PVT1: variants seen among roughly 807,000 people sequenced by gnomAD.
The protein encoded by PVT1 is Pvt1 oncogene, also known as CXCR4/PVT1 fusion.
intron 2 of PVT1, among the ~76,000 whole-genome samples, chr8:127,864,744 T>G (rs1815268686): frequency 6.6e-6 from 1 of 152,038 alleles, no homozygotes; most frequent in South Asian, 2.1e-4. Context: ...CATATGGGGT[T>G]TCACCATGTT....
intron 2 of PVT1, among the ~76,000 whole-genome samples, chr8:127,862,486 T>TA (rs1442874767): frequency 1.3e-5 from 2 of 152,132 alleles, no homozygotes; most frequent in Non-Finnish European, 2.9e-5. Context: ...ATTGCAATGA[T>TA]ACGTTCATAG....
At chr8:127,965,077 G>A (rs1327939923) in intron 3 of PVT1, among the ~76,000 whole-genome samples, 1 of 152,178 alleles carries the variant, frequency 6.6e-6, no homozygotes, top group Non-Finnish European at 1.5e-5. Flanking sequence ...ACCCACACTA[G>A]TAGGCCCCAG....
chr8:127,929,861 A>G (rs1563642375), intron 3 of PVT1, among the ~76,000 whole-genome samples: 1 of 152,236 alleles, frequency 6.6e-6, no homozygotes, highest in Non-Finnish European at 1.5e-5. Flanking sequence ...TGAGAATTAA[A>G]TGCAAAGCTT....
intron 4 of PVT1, among the ~76,000 whole-genome samples, chr8:128,045,503 G>A (rs1310920260): frequency 6.6e-6 from 1 of 152,230 alleles, no homozygotes; most frequent in East Asian, 1.9e-4. Context: ...TTTAAGTTAC[G>A]TAGTATTAGT....
At chr8:128,045,322 T>C (rs1813598039) in intron 4 of PVT1, among the ~76,000 whole-genome samples, 1 of 152,202 alleles carries the variant, frequency 6.6e-6, no homozygotes, top group Non-Finnish European at 1.5e-5. Context: ...TTCTCTCTCC[T>C]AAACTTTTTA....
chr8:127,906,307 C>T (rs565132467), intron 3 of PVT1, among the ~76,000 whole-genome samples: 2 of 152,084 alleles, frequency 1.3e-5, no homozygotes, highest in Admixed American at 6.6e-5. Flanking sequence ...CTGCTGCTTG[C>T]GGGGTTAATT....
intron 4 of PVT1, among the ~76,000 whole-genome samples, chr8:128,058,367 C>T (rs1813786747): frequency 6.9e-6 from 1 of 145,842 alleles, no homozygotes; most frequent in Non-Finnish European, 1.5e-5. Context: ...ACTAATTAAA[C>T]AAACTGATGC....
At chr8:127,798,675 A>G (rs562059005) in intron 2 of PVT1, among the ~76,000 whole-genome samples, 9 of 139,196 alleles carry the variant, frequency 6.5e-5, no homozygotes, top group African/African-American at 2.4e-4. Context: ...CCTGGCCAGC[A>G]TGGTGAAACC....
intron 6 of PVT1, chr8:128,099,258 C>T (rs759205510): frequency 6.6e-6 from 1 of 152,260 alleles, no homozygotes; most frequent in Admixed American, 6.5e-5. Context: ...AGGAAGGATG[C>T]TTTCAGGAGT....
chr8:128,088,832 A>G (rs1814311336), intron 5 of PVT1, among the ~76,000 whole-genome samples: 1 of 152,198 alleles, frequency 6.6e-6, no homozygotes, highest in South Asian at 2.1e-4. Context: ...GCAAGAGGCT[A>G]TTTTGCTAGT....
At chr8:127,935,149 A>T (rs1208701599) in intron 3 of PVT1, among the ~76,000 whole-genome samples, 2 of 152,044 alleles carry the variant, frequency 1.3e-5, no homozygotes, top group Non-Finnish European at 2.9e-5. Flanking sequence ...TATTTTTAGT[A>T]GAGACGGGGT....
At chr8:128,004,120 A>G (rs1478822162) in intron 4 of PVT1, among the ~76,000 whole-genome samples, 3 of 152,130 alleles carry the variant, frequency 2.0e-5, no homozygotes, top group Admixed American at 6.5e-5. Flanking sequence ...TAAGGTTTCT[A>G]TCTCCAATAA....
intron 2 of PVT1, among the ~76,000 whole-genome samples, chr8:127,802,557 T>G (rs1329688348): frequency 6.6e-6 from 1 of 151,444 alleles, no homozygotes; most frequent in Non-Finnish European, 1.5e-5. Flanking sequence ...AATTACATAT[T>G]GAACTGATAA....
intron 3 of PVT1, among the ~76,000 whole-genome samples, chr8:127,952,914 G>GC (rs564120466): frequency 1.8e-4 from 27 of 152,230 alleles, no homozygotes; most frequent in Non-Finnish European, 3.1e-4. Flanking sequence ...ACAGGCGCCC[G>GC]CCACCACGCC....
chr8:127,848,543 C>T (rs909544840), intron 2 of PVT1, among the ~76,000 whole-genome samples: 2 of 151,654 alleles, frequency 1.3e-5, no homozygotes, highest in Middle Eastern at 3.2e-3. Flanking sequence ...ATTAGCCGGG[C>T]GTGGTGGCAC....
intron 2 of PVT1, among the ~76,000 whole-genome samples, chr8:127,870,446 C>T (rs1413990992): frequency 1.3e-5 from 2 of 152,186 alleles, no homozygotes; most frequent in African/African-American, 4.8e-5. Flanking sequence ...TGATGTAAGC[C>T]ACCCAGTTTG....
rs1586422385 is a variant in PVT1, at chr8:127,887,832, A to G, written n.373-2757A>G. On this transcript the variant is annotated intron_variant and non_coding_transcript_variant, in intron 2 of 10. Transcript: ENST00000651587. ...CATGAGCCACCACGCTTGGCCTAGAAACACTGTCTTATTTAAATAAGAAAG... is the reference window on the plus strand; with the variant it reads ...CATGAGCCACCACGCTTGGCCTAGAGACACTGTCTTATTTAAATAAGAAAG... 3.3e-5 allele frequency among the ~76,000 whole-genome samples: 5 copies of G among 151,850 alleles called. No homozygotes were observed. In the East Asian group the frequency reaches 7.8e-4, roughly 24 times the overall value.
At position 127,982,678 on chromosome 8, in the gene PVT1, A is replaced by AT. The variant is rs200869935; in HGVS notation, n.783-6483dup. Among the ~76,000 whole-genome samples, 280 of 128,444 alleles carry AT rather than the reference A, an allele frequency of 2.2e-3. 1 individual carries two copies. Among genetic ancestry groups the AT allele is most frequent in the African/African-American group, 2.6e-3 (52 of 19,954 alleles). The allele number at this position is 128,444 out of a possible 152,430, so 84.3% of individuals were successfully genotyped here. On this transcript the variant is annotated intron_variant and non_coding_transcript_variant, in intron 3 of 10. Coordinates refer to ENST00000651587, the Ensembl canonical transcript of PVT1. ...AATTAATTAATTAATTAATTAATTA[A>AT]TAAAATAAATGAATCAATTAAAAGA...
At chr8:127,868,036 A>C (rs1356103594) in intron 2 of PVT1, among the ~76,000 whole-genome samples, 2 of 152,362 alleles carry the variant, frequency 1.3e-5, no homozygotes, top group Non-Finnish European at 2.9e-5. Flanking sequence ...TGACTTTTAA[A>C]ATAATCTTTT....
Sources: allele counts gnomAD v4.1 joint callset (sites outside exome capture counted in the v4.1 genomes callset), GRCh38; gene constraint gnomAD v4.1.1; transcripts MANE v1.5; gene names NCBI Gene and HGNC (gene_info 2026-07-23, HGNC 2026-07-21).